CCDC126: variants seen among roughly 807,000 people sequenced by gnomAD.
CCDC126 encodes coiled-coil domain containing 126, also known as coiled-coil domain-containing protein 126.
In CCDC126, 5 loss-of-function variants were observed where a neutral mutation model predicts 11.7. The observed-to-expected ratio is 0.43, with a 90% CI of 0.22 to 0.90. The LOEUF (loss-of-function observed/expected upper bound fraction) is 0.90. Among genes scored for constraint, CCDC126 ranks in the 40% least tolerant of loss-of-function variants. CCDC126 has a pLI of 0.27. For missense variants in CCDC126, 150 were observed against 163.1 expected (o/e 0.92, Z 0.44); for synonymous variants, 60 against 61.9 (o/e 0.97, Z 0.14).
chr7:23,602,064 T>G (rs1364169977), intron 2 of CCDC126: 1 of 152,216 alleles, frequency 6.6e-6, no homozygotes, highest in East Asian at 1.9e-4. Flanking sequence ...GAGAAACCAC[T>G]GAAAAATGGC....
intron 3 of CCDC126, among the ~76,000 whole-genome samples, chr7:23,616,779 C>T (rs1403716763): frequency 2.0e-5 from 3 of 152,094 alleles, no homozygotes; most frequent in South Asian, 2.1e-4. Context: ...CTCTTTCGTA[C>T]ATGTGTTGGG....
chr7:23,636,055 G>C (rs1252084467), intron 3 of CCDC126, among the ~76,000 whole-genome samples: 1 of 152,114 alleles, frequency 6.6e-6, no homozygotes, highest in East Asian at 1.9e-4. Flanking sequence ...TGGTGGAGAC[G>C]GGGTTTTGCT....
chr7:23,623,071 TC>T (rs1439006151), intron 3 of CCDC126, among the ~76,000 whole-genome samples: 1 of 151,068 alleles, frequency 6.6e-6, no homozygotes, highest in Non-Finnish European at 1.5e-5. Flanking sequence ...CCTCCCGGGT[TC>T]AGGCGGTTCT....
Position 23,600,383 on chromosome 7 carries a change from C to CG in CCDC126, c.-146+2332_-146+2333insG, listed in dbSNP as rs1383814805. Among the ~76,000 whole-genome samples, 29 of 144,762 alleles carry CG rather than the reference C, an allele frequency of 2.0e-4. No homozygotes were observed. In the East Asian group the frequency reaches 5.7e-3, roughly 28 times the overall value. The allele number at this position is 144,762 out of a possible 152,430, so 95.0% of individuals were successfully genotyped here. On this transcript the variant is annotated intron_variant, in intron 2 of 3. Coordinates refer to ENST00000307471, the MANE Select transcript of CCDC126 (RefSeq NM_138771.4). ...GCTGTGTTCTGTGTTAACCCCCCCC[C>CG]CCCCACCACCATATTAGCCTCAGGC... is the stretch of plus-strand genomic sequence containing the variant.
At chr7:23,600,380 C>CG (rs914279709) in intron 2 of CCDC126, among the ~76,000 whole-genome samples, 1 of 136,030 alleles carries the variant, frequency 7.4e-6, no homozygotes, top group Non-Finnish European at 1.6e-5. Flanking sequence ...GTTAACCCCC[C>CG]CCCCCCCACC....
intron 3 of CCDC126, among the ~76,000 whole-genome samples, chr7:23,612,639 C>T (rs1782736614): frequency 6.6e-6 from 1 of 152,116 alleles, no homozygotes; most frequent in Non-Finnish European, 1.5e-5. Flanking sequence ...CACCACTGTA[C>T]TCCAGCCTAG....
At chr7:23,601,322 T>G (rs1782539451) in intron 2 of CCDC126, among the ~76,000 whole-genome samples, 1 of 152,008 alleles carries the variant, frequency 6.6e-6, no homozygotes, top group Admixed American at 6.6e-5. Context: ...GTCTGGGAGA[T>G]CAAGGCTCAG....
intron 2 of CCDC126, chr7:23,602,128 A>G (rs1403086224): frequency 1.3e-4 from 20 of 152,246 alleles, no homozygotes; most frequent in Non-Finnish European, 2.9e-4. Context: ...AAGTAGCATA[A>G]TGGAGCTTGG....
Position 23,611,387 on chromosome 7 carries a change from T to C in CCDC126, c.72T>C (p.Ile24=), listed in dbSNP as rs746401632. The C allele has an allele frequency of 1.9e-6, 3 of 1,613,842 alleles. No homozygotes were observed. The highest frequency in any genetic ancestry group is 2.5e-6 in the Non-Finnish European group (3 of 1,179,914). ...TACTGTTGCTTGTATTTGGACTCAT[T>C]TGGGGATTGATGTTACTGCACTATA... ...LSLLLLVFGL[I]WGLMLLHYTF... is the part of the protein sequence containing the mutation. The change falls in exon 3 of 4, where the codon ATT becomes ATC. Residue 24 remains isoleucine, a synonymous_variant. Transcript: ENST00000307471.
At chr7:23,623,213 CAGCCTCCCA>C (rs1562495125) in intron 3 of CCDC126, among the ~76,000 whole-genome samples, 1 of 150,830 alleles carries the variant, frequency 6.6e-6, no homozygotes, top group African/African-American at 2.4e-5. Context: ...AAATATGCCT[CAGCCTCCCA>C]AGGTGCTGGG....
chr7:23,632,552 G>A (rs900505482), intron 3 of CCDC126, among the ~76,000 whole-genome samples: 7 of 152,294 alleles, frequency 4.6e-5, no homozygotes, highest in East Asian at 3.9e-4. Flanking sequence ...AATATTCTGC[G>A]TCTTAACTCT....
intron 3 of CCDC126, among the ~76,000 whole-genome samples, chr7:23,620,135 T>A (rs1782864923): frequency 6.6e-6 from 1 of 152,222 alleles, no homozygotes; most frequent in African/African-American, 2.4e-5. Flanking sequence ...TTTCTAGTTC[T>A]AGATCCCTGA....
At chr7:23,600,385 C>CCCCG (rs1554359071) in intron 2 of CCDC126, among the ~76,000 whole-genome samples, 5 of 145,682 alleles carry the variant, frequency 3.4e-5, no homozygotes, top group African/African-American at 1.3e-4. Flanking sequence ...CCCCCCCCCC[C>CCCCG]CCACCACCAT....
intron 3 of CCDC126, among the ~76,000 whole-genome samples, chr7:23,633,373 G>C (rs1347716737): frequency 6.6e-6 from 1 of 151,670 alleles, no homozygotes; most frequent in East Asian, 1.9e-4. Context: ...GGAGAAGGTA[G>C]CTATATTAAA....
intron 3 of CCDC126, among the ~76,000 whole-genome samples, chr7:23,631,772 GAAATT>G (rs1282741383): frequency 6.6e-6 from 1 of 150,890 alleles, no homozygotes; most frequent in African/African-American, 2.4e-5. Context: ...AAAAAAAAAA[GAAATT>G]TAATTTATAA....
intron 3 of CCDC126, among the ~76,000 whole-genome samples, chr7:23,636,288 C>T (rs1404473110): frequency 6.6e-6 from 1 of 152,116 alleles, no homozygotes; most frequent in East Asian, 2.0e-4. Flanking sequence ...GCCACCCCGT[C>T]TGGGAAGTGA....
chr7:23,626,219 T>C, intron 3 of CCDC126, among the ~76,000 whole-genome samples: 1 of 152,180 alleles, frequency 6.6e-6, no homozygotes, highest in Admixed American at 6.5e-5. Context: ...AGATGCAGCT[T>C]CTTTTCTCCA....
intron 2 of CCDC126, among the ~76,000 whole-genome samples, chr7:23,600,149 GT>G (rs1213707765): frequency 6.6e-6 from 1 of 152,102 alleles, no homozygotes; most frequent in African/African-American, 2.4e-5. Context: ...AACATTTTCT[GT>G]TTTTATCCCT....
rs1307423692 is a variant in CCDC126 at position 23,614,135 on chromosome 7, A to G, written c.238+2582A>G. 3.3e-5 allele frequency among the ~76,000 whole-genome samples: 5 copies of G among 152,288 alleles called. No individual in the cohort carries two copies. The East Asian group carries it at 7.7e-4, about 24-fold the overall frequency. On this transcript the variant is annotated intron_variant, in intron 3 of 3. Transcript: ENST00000307471. ...CTTCATGAAAGATTTTTTTTGTAGC[A>G]TGGATTATTTGATAGGATTTTACCT...
Sources: gnomAD v4.1 joint callset for allele counts (sites outside exome capture counted in the v4.1 genomes callset) on GRCh38, gnomAD v4.1.1 for gene constraint, MANE v1.5 for transcripts, NCBI Gene and HGNC (gene_info 2026-07-23, HGNC 2026-07-21) for gene names.